Variants in TBCE observed in about 807,000 individuals in gnomAD.
TBCE encodes tubulin-specific chaperone E.
TBCE carries 53 observed loss-of-function variants against 77.0 expected under a neutral mutation model. The observed-to-expected ratio is 0.69, with a 90% CI of 0.55 to 0.87. The LOEUF (loss-of-function observed/expected upper bound fraction) is 0.87, where lower values mean the gene tolerates loss of function less well. Among genes scored for constraint, TBCE ranks in the 40% least tolerant of loss-of-function variants. The probability of loss-of-function intolerance (pLI) is 0.00; values close to 1 mark genes in which losing one functional copy is unlikely to be tolerated. For synonymous variants in TBCE, 235 were observed against 241.3 expected, an observed-to-expected ratio of 0.97 and a Z score of 0.24; for missense variants, 624 against 622.4, an observed-to-expected ratio of 1.00 and a Z score of -0.03.
In TBCE at chr1:235,451,320, G is replaced by A. The variant is rs918282716; in HGVS notation, c.*2558G>A. On this transcript the variant is annotated 3_prime_UTR_variant, in exon 17 of 17. Transcript: ENST00000642610. ...GGTCTGGGGCTGGTAGTCAGTCTGT[G>A]TAAGCCCAACAGTTCCAAGCCAAAA... 2.6e-5 allele frequency: 4 copies of A among 152,136 alleles called. No homozygotes were observed. Among genetic ancestry groups the A allele is most frequent in the Admixed American group, 6.5e-5 (1 of 15,268 alleles). The allele number at this position is 152,136 out of a possible 1,614,324, so 9.4% of individuals were successfully genotyped here.
At position 235,385,809 on chromosome 1, in the gene TBCE, C is replaced by A. The variant is rs1309240224; in HGVS notation, c.100+5660C>A. Among the ~76,000 whole-genome samples, 3 of 152,234 alleles carry A rather than the reference C, an allele frequency of 2.0e-5. No individual in the cohort carries two copies. The East Asian group carries it at 5.8e-4, about 29-fold the overall frequency. ...GTGTCTTTTAATTGGAGCATTTAGTCCATTTACATTTAAAGTTAATATTGT... is the reference window on the plus strand; with the variant it reads ...GTGTCTTTTAATTGGAGCATTTAGTACATTTACATTTAAAGTTAATATTGT... On this transcript the variant is annotated intron_variant, in intron 2 of 16. Coordinates refer to ENST00000642610, the MANE Select transcript of TBCE (RefSeq NM_003193.5).
chr1:235,401,924 G>A (rs1211139137), intron 3 of TBCE, among the ~76,000 whole-genome samples: 12 of 136,778 alleles, frequency 8.8e-5, no homozygotes, highest in Admixed American at 3.2e-4. Context: ...GTAAATAATA[G>A]AAAAGAGAAA....
intron 13 of TBCE, among the ~76,000 whole-genome samples, chr1:235,440,637 G>A (rs1449043429): frequency 1.3e-5 from 2 of 149,828 alleles, no homozygotes; most frequent in East Asian, 2.0e-4. Flanking sequence ...CAGGTGATTC[G>A]CCCGCCTCAG....
Position 235,448,871 on chromosome 1 carries a change from A to G in TBCE, c.*109A>G. 8.3e-6 allele frequency: 7 copies of G among 846,478 alleles called. No individual in the cohort carries two copies. Among genetic ancestry groups the G allele is most frequent in the African/African-American group, 1.7e-5 (1 of 59,794 alleles). The allele number at this position is 846,478 out of a possible 1,614,324, so 52.4% of individuals were successfully genotyped here. A position where few individuals can be genotyped will look rare whatever the true frequency, so the allele number is the denominator to read the frequency against. ...ACTGTCAAAACAAAGGGGGTTTACA[A>G]CTTGTCCTAAGTATAACAAGGGATG... On this transcript the variant is annotated 3_prime_UTR_variant, in exon 17 of 17. Transcript: ENST00000642610.
rs1682698984 is a variant in TBCE at position 235,448,934 on chromosome 1, C to CATAA, written c.*173_*176dup. 47 of 589,128 alleles carry CATAA rather than the reference C, an allele frequency of 8.0e-5. No homozygotes were observed. In the South Asian group the frequency reaches 8.1e-4, roughly 10 times the overall value. The allele number at this position is 589,128 out of a possible 1,614,324, so 36.5% of individuals were successfully genotyped here. On this transcript the variant is annotated 3_prime_UTR_variant, in exon 17 of 17. Coordinates refer to ENST00000642610, the MANE Select transcript of TBCE (RefSeq NM_003193.5). Reference sequence around the variant, plus strand: ...GGAAGTGACCATTTCTAGGCTTATACATAATAGCAATAATAAAGGCTTTGA... The same window carrying CATAA: ...GGAAGTGACCATTTCTAGGCTTATACATAAATAATAGCAATAATAAAGGCTTTGA...
intron 1 of TBCE, among the ~76,000 whole-genome samples, chr1:235,369,965 G>A (rs1039738669): frequency 1.1e-4 from 16 of 152,070 alleles, no homozygotes; most frequent in East Asian, 1.9e-4. Flanking sequence ...CTCCTCAAGC[G>A]CATCCTAGCC....
chr1:235,370,632 G>A (rs1315643921), intron 1 of TBCE, among the ~76,000 whole-genome samples: 3 of 149,866 alleles, frequency 2.0e-5, no homozygotes, highest in Non-Finnish European at 4.4e-5. Flanking sequence ...GCCTAAAATA[G>A]TATCTGGCTT....
At chr1:235,409,562 T>C (rs1011240884) in intron 3 of TBCE, among the ~76,000 whole-genome samples, 3 of 152,034 alleles carry the variant, frequency 2.0e-5, no homozygotes, top group African/African-American at 7.3e-5. Context: ...TGATCTTTAG[T>C]GTTAGTCTTT....
chr1:235,422,874 G>A (rs1680477657), intron 5 of TBCE, among the ~76,000 whole-genome samples: 3 of 152,234 alleles, frequency 2.0e-5, no homozygotes, highest in African/African-American at 4.8e-5. Context: ...GGGAGTGCTG[G>A]CTGTTGGGTT....
chr1:235,370,742 T>TGTC, intron 1 of TBCE, among the ~76,000 whole-genome samples: 4 of 120,448 alleles, frequency 3.3e-5, no homozygotes, highest in African/African-American at 3.9e-5. Flanking sequence ...CTCCTTGTCT[T>TGTC]TTCTTTTTTT....
At chr1:235,383,179 CTG>C (rs1183447352) in intron 2 of TBCE, among the ~76,000 whole-genome samples, 91 of 148,686 alleles carry the variant, frequency 6.1e-4, no homozygotes, top group African/African-American at 2.0e-3. Context: ...ATCTATATCT[CTG>C]TTTTGGTACC....
chr1:235,428,668 A>G lies in TBCE; in HGVS notation c.560+1429A>G, dbSNP rs1268461297. 4.3e-4 allele frequency among the ~76,000 whole-genome samples: 40 copies of G among 93,894 alleles called. No homozygotes were observed. In the East Asian group the frequency reaches 8.6e-3, roughly 20 times the overall value. 61.6% of individuals were successfully genotyped at this position (93,894 alleles called of 152,430 possible). On this transcript the variant is annotated intron_variant, in intron 6 of 16. Coordinates refer to ENST00000642610, the MANE Select transcript of TBCE (RefSeq NM_003193.5). ...ATTTATTTATTTATTTATTTGAGAC[A>G]GTGTCTCGCCCTGTCGCCAGGCTGG...
chr1:235,416,808 G>T (rs1218880980), intron 4 of TBCE, among the ~76,000 whole-genome samples: 1 of 152,198 alleles, frequency 6.6e-6, no homozygotes, highest in Non-Finnish European at 1.5e-5. Context: ...CTGGAGATTA[G>T]TCAATTCAGA....
chr1:235,413,478 A>T (rs1036680284), intron 3 of TBCE, among the ~76,000 whole-genome samples: 2 of 152,194 alleles, frequency 1.3e-5, no homozygotes, highest in Admixed American at 6.5e-5. Flanking sequence ...CCTGGCCAAC[A>T]TGGTGAAACC....
chr1:235,390,011 A>G (rs1303731105), intron 2 of TBCE, among the ~76,000 whole-genome samples: 1 of 151,958 alleles, frequency 6.6e-6, no homozygotes, highest in Non-Finnish European at 1.5e-5. Context: ...CTGTAGCCCC[A>G]GCTACTTGGG....
At chr1:235,433,295 A>G (rs1240485593) in intron 7 of TBCE, 4 of 670,298 alleles carry the variant, frequency 6.0e-6, no homozygotes, top group African/African-American at 1.9e-5. Context: ...ATATTGGCTC[A>G]CTGCAACCTC....
chr1:235,436,428 A>G lies in TBCE; in HGVS notation c.876A>G (p.Leu292=), dbSNP rs1370302040. 6.2e-7 allele frequency: 1 copy of G among 1,613,976 alleles called. No homozygotes were observed. Among genetic ancestry groups the G allele is most frequent in the Non-Finnish European group, 8.5e-7 (1 of 1,179,994 alleles). Residue 292 remains leucine (L), a synonymous_variant, in exon 10 of 17, where the codon CTA becomes CTG. Transcript: ENST00000642610. ...LILSDTGISS[L]HFPDAGIGCK... is the part of the protein sequence containing the mutation. ...TCTCTGACACTGGAATTTCTTCTCT[A>G]CATTTTCCGGATGCTGGAATTGGTA...
At chr1:235,405,033 G>A (rs570062223) in intron 3 of TBCE, among the ~76,000 whole-genome samples, 83 of 151,144 alleles carry the variant, frequency 5.5e-4, no homozygotes, top group Admixed American at 1.3e-3. Flanking sequence ...CACAACCTCG[G>A]CTCACTGCAA....
At chr1:235,426,493 C>CT (rs1240957347) in intron 5 of TBCE, among the ~76,000 whole-genome samples, 3 of 152,090 alleles carry the variant, frequency 2.0e-5, no homozygotes, top group Admixed American at 6.6e-5. Context: ...GTGTGTATAC[C>CT]TTAGGTGCTT....
Sources: allele counts gnomAD v4.1 joint callset (sites outside exome capture counted in the v4.1 genomes callset), GRCh38; gene constraint gnomAD v4.1.1; transcripts MANE v1.5; gene names NCBI Gene and HGNC (gene_info 2026-07-23, HGNC 2026-07-21).